Variants in CSNK2A1 observed in about 807,000 individuals in gnomAD.
The protein encoded by CSNK2A1 is casein kinase II subunit alpha.
CSNK2A1 carries 10 observed loss-of-function variants against 62.9 expected under a neutral mutation model. The observed-to-expected ratio is 0.16, with a 90% CI of 0.10 to 0.27. The LOEUF is 0.27. Ranked by LOEUF, CSNK2A1 falls within the 10% of genes least tolerant of loss-of-function variation. The pLI is 1.00. For synonymous variants in CSNK2A1, 124 were observed against 167.8 expected (o/e 0.74, Z 2.02); for missense variants, 160 against 492.0 (o/e 0.33, Z 6.38).
chr20:522,292 A>T (rs1020138170), intron 2 of CSNK2A1, among the ~76,000 whole-genome samples: 3 of 152,248 alleles, frequency 2.0e-5, no homozygotes, highest in Non-Finnish European at 4.4e-5. Flanking sequence ...TAGCAACTCT[A>T]CAGTAGAAAA....
chr20:534,034 T>C (rs2019263921), intron 1 of CSNK2A1, among the ~76,000 whole-genome samples: 1 of 152,232 alleles, frequency 6.6e-6, no homozygotes, highest in Admixed American at 6.5e-5. Flanking sequence ...ATTTGGGATA[T>C]ACAGTAATCT....
chr20:489,948 T>C, intron 9 of CSNK2A1, 67 bp from the exon 10 acceptor site: 1 of 1,272,930 alleles, frequency 7.9e-7, no homozygotes, highest in Non-Finnish European at 1.0e-6. Flanking sequence ...AAATAAAAAA[T>C]TAATTTTTAA....
chr20:485,217 ACT>A (rs1235531265), intron 13 of CSNK2A1, among the ~76,000 whole-genome samples: 13 of 139,496 alleles, frequency 9.3e-5, no homozygotes, highest in African/African-American at 3.5e-4. Flanking sequence ...ACAGAGTCTC[ACT>A]CTCACCCAGG....
At chr20:519,846 T>C (rs980274836) in intron 2 of CSNK2A1, among the ~76,000 whole-genome samples, 1 of 152,088 alleles carries the variant, frequency 6.6e-6, no homozygotes, top group African/African-American at 2.4e-5. Flanking sequence ...TACAAAAGAA[T>C]AACAATACCT....
intron 10 of CSNK2A1, 91 bp downstream of exon 10, chr20:489,689 G>C: frequency 9.7e-7 from 1 of 1,030,780 alleles, no homozygotes; most frequent in Non-Finnish European, 1.4e-6. Flanking sequence ...TATCGGGGTG[G>C]CTGAATAAAC....
intron 2 of CSNK2A1, among the ~76,000 whole-genome samples, chr20:525,204 G>A (rs1328540087): frequency 1.3e-5 from 2 of 152,130 alleles, no homozygotes; most frequent in Non-Finnish European, 2.9e-5. Flanking sequence ...TACAATTAAA[G>A]CAGGACTTAG....
rs6037828 is a variant in CSNK2A1, at chr20:508,365, C to T, written c.101+86G>A. The T allele has an allele frequency of 8.8e-3, 12,769 of 1,448,086 alleles. 363 individuals carry two copies. Among genetic ancestry groups the T allele is most frequent in the East Asian group, 0.079 (3,393 of 42,732 alleles). The allele number at this position is 1,448,086 out of a possible 1,614,324, so 89.7% of individuals were successfully genotyped here. A position where few individuals can be genotyped will look rare whatever the true frequency, so the allele number is the denominator to read the frequency against. On this transcript the variant is annotated intron_variant, in intron 3 of 13. Coordinates refer to ENST00000217244, the MANE Select transcript of CSNK2A1 (RefSeq NM_177559.3). ...CCTGAGGTATACACATACAGAGTCA[C>T]GGAGGTTTTCTGACAAAAACTACTC...
Position 488,789 on chromosome 20 carries a change from A to G in CSNK2A1, c.724-11T>C. 1 of 1,602,550 alleles carries G rather than the reference A, an allele frequency of 6.2e-7. No individual in the cohort carries two copies. Among genetic ancestry groups the G allele is most frequent in the Admixed American group, 1.7e-5 (1 of 57,366 alleles). On this transcript the variant is annotated splice_polypyrimidine_tract_variant and intron_variant, in intron 10 of 13. Coordinates refer to ENST00000217244, the MANE Select transcript of CSNK2A1 (RefSeq NM_177559.3). ...GGCTATCCTCACCAACTAGTATTAA[A>G]GAAAGACAAAAACCCATATCACAAG...
chr20:493,117 C>G (rs1281697187), intron 8 of CSNK2A1, among the ~76,000 whole-genome samples: 2 of 152,182 alleles, frequency 1.3e-5, no homozygotes, highest in Non-Finnish European at 2.9e-5. Context: ...GCAAAAGCAC[C>G]TCCACTCAGT....
intron 2 of CSNK2A1, among the ~76,000 whole-genome samples, chr20:520,274 C>T (rs1264488496): frequency 1.3e-5 from 2 of 151,988 alleles, no homozygotes; most frequent in Non-Finnish European, 2.9e-5. Context: ...ATAATCCAAA[C>T]AATTCTGAAA....
rs1460537255 is a variant in CSNK2A1, at chr20:473,023, A to G, written c.*10938T>C. The G allele has an allele frequency of 6.6e-6, 1 of 152,310 alleles. No homozygotes were observed. The highest frequency in any genetic ancestry group is 2.4e-5 in the African/African-American group (1 of 41,446). The allele number at this position is 152,310 out of a possible 1,614,324, so 9.4% of individuals were successfully genotyped here. On this transcript the variant is annotated 3_prime_UTR_variant, in exon 14 of 14. Transcript: ENST00000217244. ...ACCTTGTCTCTAAAAAGTAAATAAAAAAAAGAGTTGGGCTAGGTTTGAGGT... is the reference window on the plus strand; with the variant it reads ...ACCTTGTCTCTAAAAAGTAAATAAAGAAAAGAGTTGGGCTAGGTTTGAGGT...
At position 485,904 on chromosome 20, in the gene CSNK2A1, A is replaced by G. The variant is rs1368401572; in HGVS notation, c.1060+472T>C. On this transcript the variant is annotated intron_variant, in intron 13 of 13. Coordinates refer to ENST00000217244, the MANE Select transcript of CSNK2A1 (RefSeq NM_177559.3). Reference sequence around the variant, plus strand: ...ACTCTATAAAAATTCACTGTGCGTCACAATGATCCAATAATGGAAAACCAT... The same window carrying G: ...ACTCTATAAAAATTCACTGTGCGTCGCAATGATCCAATAATGGAAAACCAT... Among the ~76,000 whole-genome samples the G allele has an allele frequency of 3.3e-5, 5 of 152,240 alleles. No homozygotes were observed. The East Asian group carries it at 5.8e-4, about 18-fold the overall frequency.
chr20:533,697 C>T (rs2019258183), intron 1 of CSNK2A1, among the ~76,000 whole-genome samples: 1 of 152,194 alleles, frequency 6.6e-6, no homozygotes, highest in Admixed American at 6.5e-5. Context: ...AAACAGAAAA[C>T]ATTAGCATTT....
chr20:499,780 G>C lies in CSNK2A1; in HGVS notation c.315+53C>G. Reference sequence around the variant, plus strand: ...ACAAAAAGAGGCCAGTTGTGCTCCAGGTCAAACACCATCTCAGCTCTGGCG... The same window carrying C: ...ACAAAAAGAGGCCAGTTGTGCTCCACGTCAAACACCATCTCAGCTCTGGCG... On this transcript the variant is annotated intron_variant, in intron 5 of 13. Transcript: ENST00000217244. This position sits in a 1 kb window ranked among gnomAD's most constrained non-coding sequence, Gnocchi z 4.2. The C allele has an allele frequency of 1.3e-6, 2 of 1,566,692 alleles. No individual in the cohort carries two copies. Among genetic ancestry groups the C allele is most frequent in the Non-Finnish European group, 1.8e-6 (2 of 1,140,110 alleles).
chr20:505,294 A>G, intron 3 of CSNK2A1, 65 bp from the exon 4 acceptor site: 1 of 1,157,068 alleles, frequency 8.6e-7, no homozygotes, highest in South Asian at 1.3e-5. Flanking sequence ...AATTACAGGA[A>G]TCTATTACCA....
chr20:506,636 T>C (rs1411171393), intron 3 of CSNK2A1: 1 of 152,104 alleles, frequency 6.6e-6, no homozygotes, highest in African/African-American at 2.4e-5. Context: ...CTACTAAGTA[T>C]CCAATATGAA....
intron 2 of CSNK2A1, among the ~76,000 whole-genome samples, chr20:525,929 T>C (rs555996106): frequency 6.8e-6 from 1 of 147,768 alleles, no homozygotes; most frequent in Non-Finnish European, 1.5e-5. Context: ...CACTTGAGCC[T>C]AGGAGGTGGA....
In CSNK2A1 at chr20:489,610, G is replaced by A. The variant is rs895015644; in HGVS notation, c.723+170C>T. The A allele has an allele frequency of 2.8e-5, 13 of 471,054 alleles. 1 individual carries two copies. In the Admixed American group the frequency reaches 3.2e-4, roughly 12 times the overall value. 29.2% of individuals were successfully genotyped at this position (471,054 alleles called of 1,614,324 possible). ...TAAAATAAGCAATGCAAATGACAAA[G>A]ACTAGGGGGGAATGTCTGATTTCAA... On this transcript the variant is annotated intron_variant, in intron 10 of 13. Coordinates refer to ENST00000217244, the MANE Select transcript of CSNK2A1 (RefSeq NM_177559.3).
intron 3 of CSNK2A1, chr20:508,225 A>G: frequency 2.1e-6 from 1 of 475,842 alleles, no homozygotes; most frequent in Non-Finnish European, 3.8e-6. Context: ...ATAAGAAACT[A>G]AAATGATTTT....
Sources: gnomAD v4.1 joint callset for allele counts (sites outside exome capture counted in the v4.1 genomes callset) on GRCh38, gnomAD v4.1.1 for gene constraint, Gnocchi (gnomAD v3.1) non-coding constraint, MANE v1.5 for transcripts, NCBI Gene and HGNC (gene_info 2026-07-23, HGNC 2026-07-21) for gene names.